MUC17: variants seen among roughly 807,000 people sequenced by gnomAD.
The protein encoded by MUC17 is mucin 17, cell surface associated, also known as mucin-17.
A neutral mutation model predicts 170.3 loss-of-function variants in MUC17; 190 were observed. The ratio of observed to expected loss-of-function variants is 1.12; its 90% confidence interval spans 0.99 to 1.26. The LOEUF is 1.26. Ranked by LOEUF, MUC17 falls within the 50% of genes most tolerant of loss-of-function variation. MUC17 has a pLI of 0.00. For synonymous variants in MUC17, 2,325 were observed against 2,002.5 expected (o/e 1.16, Z -4.30); for missense variants, 6,415 against 5,530.0 (o/e 1.16, Z -5.08).
intron 9 of MUC17, 62 bp from the exon 10 acceptor site, chr7:101,052,924 G>A: frequency 2.6e-6 from 4 of 1,567,768 alleles, no homozygotes; most frequent in Non-Finnish European, 3.5e-6. Flanking sequence ...GCAGGGCCCA[G>A]GTCTGAAGCT....
rs200732595 is a variant in MUC17, at chr7:101,036,420, C to G, written c.5004C>G (p.Val1668=). 1.9e-6 allele frequency: 3 copies of G among 1,612,882 alleles called. No homozygotes were observed. The highest frequency in any genetic ancestry group is 2.5e-6 in the Non-Finnish European group (3 of 1,179,612). Residue 1668 remains valine, a synonymous_variant, in exon 3 of 13, where the codon GTC becomes GTG. Coordinates refer to ENST00000306151, the MANE Select transcript of MUC17 (RefSeq NM_001040105.2). ...GTCCTGTGATCACTTCTACTGAAGT[C>G]AGTTCATCTCCTACACCTGCTGAAG... ...SNSPVITSTE[V]SSSPTPAEGT... is the part of the protein sequence containing the mutation.
Position 101,047,900 on chromosome 7 carries a change from G to A in MUC17, c.12404-84G>A, listed in dbSNP as rs117564862. 0.014 allele frequency: 19,959 copies of A among 1,429,866 alleles called. 1,355 individuals are homozygous for A. The East Asian group carries it at 0.16, about 12-fold the overall frequency. The allele number at this position is 1,429,866 out of a possible 1,614,324, so 88.6% of individuals were successfully genotyped here. On this transcript the variant is annotated intron_variant, in intron 3 of 12. Coordinates refer to ENST00000306151, the MANE Select transcript of MUC17 (RefSeq NM_001040105.2). ...AGCTGTAAAGTGCTGTGCTCAACAT[G>A]TAACCACAGTAGATCCCTGCTCCTT... is the stretch of plus-strand genomic sequence containing the variant.
rs563478679 is a variant in MUC17, at chr7:101,023,593, C to T, written c.82+3376C>T. ...CTAATTTTTGTATTTTCAGTAGAGA[C>T]GGGGGTTTCGCCATGTTGACCAGGC... On this transcript the variant is annotated intron_variant, in intron 1 of 12. Coordinates refer to ENST00000306151, the MANE Select transcript of MUC17 (RefSeq NM_001040105.2). Among the ~76,000 whole-genome samples, 262 of 151,980 alleles carry T rather than the reference C, an allele frequency of 1.7e-3. 2 individuals are homozygous for T. The Middle Eastern group carries it at 0.02, about 12-fold the overall frequency.
At position 101,032,634 on chromosome 7, in the gene MUC17, C is replaced by T; in HGVS notation, c.1218C>T (p.Ala406=). 4 of 1,613,316 alleles carry T rather than the reference C, an allele frequency of 2.5e-6. No individual in the cohort carries two copies. The highest frequency in any genetic ancestry group is 3.4e-6 in the Non-Finnish European group (4 of 1,179,548). ...TNMPVSTILV[A]SSEASTTSTI... ...TGCCTGTCAGCACCATATTGGTGGCCAGTTCTGAGGCTAGCACCACTTCAA... is the reference window on the plus strand; with the variant it reads ...TGCCTGTCAGCACCATATTGGTGGCTAGTTCTGAGGCTAGCACCACTTCAA... Residue 406 remains alanine (A), a synonymous_variant, in exon 3 of 13, where the codon GCC becomes GCT. Transcript: ENST00000306151.
chr7:101,048,168 A>G (rs1794875881), intron 4 of MUC17, 53 bp downstream of exon 4: 18 of 1,490,970 alleles, frequency 1.2e-5, no homozygotes, highest in Non-Finnish European at 1.5e-5. Context: ...CCCGACCTCC[A>G]TACAAGCAAC....
At position 101,031,588 on chromosome 7, in the gene MUC17, G is replaced by A. The variant is rs1310631996; in HGVS notation, c.185-13G>A. 1 of 1,514,580 alleles carries A rather than the reference G, an allele frequency of 6.6e-7. No individual in the cohort carries two copies. Among genetic ancestry groups the A allele is most frequent in the Non-Finnish European group, 8.8e-7 (1 of 1,133,396 alleles). 93.8% of individuals were successfully genotyped at this position (1,514,580 alleles called of 1,614,324 possible). On this transcript the variant is annotated splice_polypyrimidine_tract_variant and intron_variant, in intron 2 of 12. Transcript: ENST00000306151. ...AGAAACTTCTAAACAAAATATCATT[G>A]TATCTTAAACAGGTTCTGCGGCAAA...
At chr7:101,049,029 G>A (rs1794890355) in intron 5 of MUC17, 57 bp downstream of exon 5, 2 of 1,611,560 alleles carry the variant, frequency 1.2e-6, no homozygotes, top group African/African-American at 2.7e-5. Context: ...AGCAGAGTCT[G>A]TAGGGTAAGA....
Position 101,033,646 on chromosome 7 carries a change from G to A in MUC17, c.2230G>A (p.Glu744Lys). Residue 744 changes from glutamate (E) to lysine (K), a missense_variant, in exon 3 of 13, where the codon GAA (glutamate) becomes AAA (lysine). Physicochemically the swap from Glu to Lys is moderately conservative, Grantham distance 56. Transcript: ENST00000306151. ...CAGTATGCCAACCTCAACTCCTAGT[G>A]AAGGAAGCACTCCATTAACAAGTAT... ...GASMPTSTPS[E>K]GSTPLTSMPV... 4.3e-6 allele frequency: 7 copies of A among 1,613,544 alleles called. No individual in the cohort carries two copies. The Middle Eastern group carries it at 6.6e-4, about 152-fold the overall frequency.
intron 11 of MUC17, among the ~76,000 whole-genome samples, chr7:101,054,009 G>T (rs1421575584): frequency 1.5e-5 from 2 of 134,980 alleles, no homozygotes; most frequent in African/African-American, 2.7e-5. Context: ...GCAGTGAGCT[G>T]TGATTGTACC....
At chr7:101,047,959 G>T in intron 3 of MUC17, 25 bp from the exon 4 acceptor site, 1 of 1,551,750 alleles carries the variant, frequency 6.4e-7, no homozygotes, top group Non-Finnish European at 8.7e-7. Flanking sequence ...AACTTGGAAA[G>T]AAAACTTCTG....
rs751266480 is a variant in MUC17, at chr7:101,032,507, T to C, written c.1091T>C (p.Leu364Pro). The part of the protein sequence containing the change: ...LSITPVDTST[L>P]VTTSTEPSSL... Reference sequence around the variant, plus strand: ...ATAACTCCTGTTGACACCAGCACACTTGTGACCACTTCTACTGAACCCAGT... The same window carrying C: ...ATAACTCCTGTTGACACCAGCACACCTGTGACCACTTCTACTGAACCCAGT... The change falls in exon 3 of 13, where the codon CTT becomes CCT. Residue 364 changes from leucine (L) to proline (P), a missense_variant. Transcript: ENST00000306151. 1.4e-5 allele frequency: 22 copies of C among 1,612,538 alleles called. No homozygotes were observed. The African/African-American group carries it at 2.4e-4, about 18-fold the overall frequency.
Position 101,039,439 on chromosome 7 carries a change from A to G in MUC17, c.8023A>G (p.Thr2675Ala). Residue 2675 changes from threonine to alanine, a missense_variant, in exon 3 of 13, where the codon ACA (threonine) becomes GCA (alanine). Thr to Ala is a moderately conservative substitution (Grantham distance 58, BLOSUM62 0). Transcript: ENST00000306151. Reference sequence around the variant, plus strand: ...TTCCACTGGAACCAGTTCATCTCCTACAACTGCTGAAGGTAGCAGCATGCC... The same window carrying G: ...TTCCACTGGAACCAGTTCATCTCCTGCAACTGCTGAAGGTAGCAGCATGCC... ...TTSTGTSSSP[T>A]TAEGSSMPTS... The G allele has an allele frequency of 6.2e-7, 1 of 1,612,766 alleles. No homozygotes were observed. Among genetic ancestry groups the G allele is most frequent in the South Asian group, 1.1e-5 (1 of 90,936 alleles).
Position 101,032,595 on chromosome 7 carries a change from T to G in MUC17, c.1179T>G (p.Thr393=). ...MLTSTLSEGS[T]PLTNMPVSTI... ...CCTCAACTCTTAGTGAAGGAAGCACTCCATTAACAAATATGCCTGTCAGCA... is the reference window on the plus strand; with the variant it reads ...CCTCAACTCTTAGTGAAGGAAGCACGCCATTAACAAATATGCCTGTCAGCA... The change falls in exon 3 of 13, where the codon ACT becomes ACG. Residue 393 remains threonine (T), a synonymous_variant. Coordinates refer to ENST00000306151, the MANE Select transcript of MUC17 (RefSeq NM_001040105.2). 1 of 1,614,016 alleles carries G rather than the reference T, an allele frequency of 6.2e-7. No homozygotes were observed. Among genetic ancestry groups the G allele is most frequent in the Non-Finnish European group, 8.5e-7 (1 of 1,179,970 alleles).
At position 101,037,533 on chromosome 7, in the gene MUC17, T is replaced by C. The variant is rs758725701; in HGVS notation, c.6117T>C (p.Pro2039=). Reference sequence around the variant, plus strand: ...GTACCAGCATACAAACCTCAACTCCTAGTGAACGGACCACTCCATTAGCAG... The same window carrying C: ...GTACCAGCATACAAACCTCAACTCCCAGTGAACGGACCACTCCATTAGCAG... ...AGGTSIQTST[P]SERTTPLAGM... is the part of the protein sequence containing the mutation. The change falls in exon 3 of 13, where the codon CCT becomes CCC. Residue 2039 remains proline (P), a synonymous_variant. Transcript: ENST00000306151. The C allele has an allele frequency of 7.4e-6, 12 of 1,613,856 alleles. No homozygotes were observed. The Admixed American group carries it at 1.0e-4, about 13-fold the overall frequency.
chr7:101,025,721 G>A (rs1794168254), intron 1 of MUC17, among the ~76,000 whole-genome samples: 1 of 151,764 alleles, frequency 6.6e-6, no homozygotes, highest in Admixed American at 6.6e-5. Context: ...TTGAACCTGG[G>A]AGGTGGAGGT....
At chr7:101,054,143 G>A (rs1795009106) in intron 11 of MUC17, among the ~76,000 whole-genome samples, 1 of 149,618 alleles carries the variant, frequency 6.7e-6, no homozygotes, top group Non-Finnish European at 1.5e-5. Context: ...GAGTGAAGGG[G>A]GAAAATATTT....
Position 101,039,369 on chromosome 7 carries a change from C to T in MUC17, c.7953C>T (p.Ser2651=). Residue 2651 remains serine (S), a synonymous_variant, in exon 3 of 13, where the codon AGC becomes AGT. Transcript: ENST00000306151. ...STMPVASSEA[S]TLSTTPVDTR... ...TGCCAGTGGCCAGTTCTGAGGCTAGCACCCTTTCAACAACTCCTGTTGACA... is the reference window on the plus strand; with the variant it reads ...TGCCAGTGGCCAGTTCTGAGGCTAGTACCCTTTCAACAACTCCTGTTGACA... 1 of 1,612,380 alleles carries T rather than the reference C, an allele frequency of 6.2e-7. No individual in the cohort carries two copies. Among genetic ancestry groups the T allele is most frequent in the East Asian group, 2.2e-5 (1 of 44,846 alleles).
intron 9 of MUC17, among the ~76,000 whole-genome samples, chr7:101,052,667 G>A (rs1211709383): frequency 6.6e-6 from 1 of 152,128 alleles, no homozygotes; most frequent in Non-Finnish European, 1.5e-5. Flanking sequence ...ATGGGTGGAT[G>A]CAAGATCACT....
chr7:101,037,231 G>A lies in MUC17; in HGVS notation c.5815G>A (p.Ala1939Thr), dbSNP rs765692620. The change falls in exon 3 of 13, where the codon GCC (alanine) becomes ACC (threonine). Residue 1939 changes from alanine to threonine, a missense_variant. Ala to Thr is a moderately conservative substitution (Grantham distance 58). Coordinates refer to ENST00000306151, the MANE Select transcript of MUC17 (RefSeq NM_001040105.2). ...TSIPVSTTTV[A>T]SSEINTLSTT... is the part of the protein sequence containing the mutation. ...TATACCTGTCAGCACCACAACAGTGGCCAGTTCTGAAATCAACACCCTTTC... is the reference window on the plus strand; with the variant it reads ...TATACCTGTCAGCACCACAACAGTGACCAGTTCTGAAATCAACACCCTTTC... The A allele has an allele frequency of 1.2e-6, 2 of 1,611,406 alleles. No individual in the cohort carries two copies. The highest frequency in any genetic ancestry group is 3.3e-4 in the Middle Eastern group (2 of 6,054).
Sources: allele counts gnomAD v4.1 joint callset (sites outside exome capture counted in the v4.1 genomes callset), GRCh38; gene constraint gnomAD v4.1.1; transcripts MANE v1.5; gene names NCBI Gene and HGNC (gene_info 2026-07-23, HGNC 2026-07-21).